Variants in EIF2AK2 observed in about 807,000 individuals in gnomAD.
The protein encoded by EIF2AK2 is eukaryotic translation initiation factor 2 alpha kinase 2, also known as interferon-induced, double-stranded RNA-activated protein kinase.
EIF2AK2 carries 40 observed loss-of-function variants against 70.5 expected under a neutral mutation model. The ratio of observed to expected loss-of-function variants is 0.57; its 90% CI spans 0.44 to 0.74. The LOEUF is 0.74. Ranked by LOEUF, EIF2AK2 falls within the 30% of genes least tolerant of loss-of-function variation. EIF2AK2 has a pLI of 0.00. For synonymous variants in EIF2AK2, 198 were observed against 220.9 expected, an observed-to-expected ratio of 0.90 and a Z score of 0.92; for missense variants, 555 against 644.3, an observed-to-expected ratio of 0.86 and a Z score of 1.50.
chr2:37,128,968 T>G (rs1271367431), intron 10 of EIF2AK2, among the ~76,000 whole-genome samples: 2 of 152,192 alleles, frequency 1.3e-5, no homozygotes, highest in African/African-American at 4.8e-5. Context: ...CACACCTCAC[T>G]GAAGCTATGC....
rs145632487 is a variant in EIF2AK2 at position 37,118,809 on chromosome 2, C to G, written c.1248+1150G>C. The stretch of plus-strand genomic sequence containing the variant: ...AAGGGCTACTCATTCCTCTCTGAGC[C>G]CAATAAACAACTGTGTATATGGGAA... On this transcript the variant is annotated intron_variant, in intron 13 of 16. Transcript: ENST00000233057. 2.8e-3 allele frequency among the ~76,000 whole-genome samples: 426 copies of G among 152,266 alleles called. 2 individuals are homozygous for G. The highest frequency in any genetic ancestry group is 8.7e-3 in the African/African-American group (362 of 41,548).
Position 37,100,295 on chromosome 2 carries a change from TG to T in EIF2AK2, c.*6977del, listed in dbSNP as rs946224445. Reference sequence around the variant, plus strand: ...GGAAGCCTCCAGAGGAGCATGGCCTTGCCCAGTGAACTGCAGCCCAGTGAAT... The same window carrying T: ...GGAAGCCTCCAGAGGAGCATGGCCTTCCCAGTGAACTGCAGCCCAGTGAAT... On this transcript the variant is annotated 3_prime_UTR_variant, in exon 17 of 17. Transcript: ENST00000233057. 6.6e-6 allele frequency: 1 copy of T among 152,234 alleles called. No individual in the cohort carries two copies. The highest frequency in any genetic ancestry group is 2.4e-5 in the African/African-American group (1 of 41,462). 9.4% of individuals were successfully genotyped at this position (152,234 alleles called of 1,614,324 possible). A position where few individuals can be genotyped will look rare whatever the true frequency, so the allele number is the denominator to read the frequency against.
At chr2:37,143,610 G>A (rs1490797980) in intron 4 of EIF2AK2, among the ~76,000 whole-genome samples, 1 of 152,152 alleles carries the variant, frequency 6.6e-6, no homozygotes, top group Non-Finnish European at 1.5e-5. Flanking sequence ...ATAGCTGGGT[G>A]TGGTGGCTCA....
intron 1 of EIF2AK2, among the ~76,000 whole-genome samples, chr2:37,152,099 A>G (rs922201034): frequency 5.9e-5 from 9 of 152,236 alleles, no homozygotes; most frequent in Admixed American, 5.9e-4. Context: ...AAAAACATGG[A>G]TAAACCTCAA....
At chr2:37,133,355 C>T (rs1675014233) in intron 10 of EIF2AK2, among the ~76,000 whole-genome samples, 1 of 152,192 alleles carries the variant, frequency 6.6e-6, no homozygotes, top group Non-Finnish European at 1.5e-5. Flanking sequence ...CCTCTCATTT[C>T]TCCTCTTCTG....
At chr2:37,137,126 G>C in intron 8 of EIF2AK2, 109 bp from the exon 9 acceptor site, 2 of 807,094 alleles carry the variant, frequency 2.5e-6, no homozygotes, top group Non-Finnish European at 3.8e-6. Context: ...CAATTTCTTA[G>C]TCCATCAATG....
At chr2:37,152,072 A>C (rs1378433293) in intron 1 of EIF2AK2, among the ~76,000 whole-genome samples, 1 of 152,250 alleles carries the variant, frequency 6.6e-6, no homozygotes, top group East Asian at 1.9e-4. Flanking sequence ...ATCTCAAAAA[A>C]CAACAACCAC....
At chr2:37,154,962 TG>T (rs1044328876) in intron 1 of EIF2AK2, among the ~76,000 whole-genome samples, 2 of 151,894 alleles carry the variant, frequency 1.3e-5, no homozygotes, top group African/African-American at 4.8e-5. Flanking sequence ...ACCTTTTCTA[TG>T]GTTCTAACTT....
At chr2:37,115,508 G>C (rs1386710423) in intron 13 of EIF2AK2, among the ~76,000 whole-genome samples, 1 of 152,104 alleles carries the variant, frequency 6.6e-6, no homozygotes. Flanking sequence ...ATGACCTAAA[G>C]ATTAGCTTTA....
At chr2:37,109,145 G>T in intron 15 of EIF2AK2, 49 bp downstream of exon 15, 2 of 1,550,180 alleles carry the variant, frequency 1.3e-6, no homozygotes, top group Non-Finnish European at 1.8e-6. Context: ...CTCTGAAGGT[G>T]GTAGTCAGTA....
rs759463816 is a variant in EIF2AK2 at position 37,122,548 on chromosome 2, T to C, written c.1025A>G (p.Glu342Gly). The change falls in exon 12 of 17, where the codon GAG becomes GGG. Residue 342 changes from glutamate (E) to glycine (G), a missense_variant. Coordinates refer to ENST00000233057, the MANE Select transcript of EIF2AK2 (RefSeq NM_001135651.3). ...GTTCTCAGGATCATAATCACTGCTCTCAAGAGAATCATCACTGGTCTCAGG... is the reference window on the plus strand; with the variant it reads ...GTTCTCAGGATCATAATCACTGCTCCCAAGAGAATCATCACTGGTCTCAGG... ...YDPETSDDSL[E>G]SSDYDPENSK... 8 of 1,614,154 alleles carry C rather than the reference T, an allele frequency of 5.0e-6. No homozygotes were observed. Among genetic ancestry groups the C allele is most frequent in the Middle Eastern group, 1.6e-4 (1 of 6,062 alleles).
In EIF2AK2 at chr2:37,104,581, A is replaced by T. The variant is rs1214421421; in HGVS notation, c.*2692T>A. On this transcript the variant is annotated 3_prime_UTR_variant, in exon 17 of 17. Transcript: ENST00000233057. ...GCCATCCTCCCCTTTTGACCTCCCA[A>T]AAATGCTGGGATAACAGGCATTAGC... The T allele has an allele frequency of 6.6e-6, 1 of 152,180 alleles. No homozygotes were observed. Among genetic ancestry groups the T allele is most frequent in the Non-Finnish European group, 1.5e-5 (1 of 68,036 alleles). 9.4% of individuals were successfully genotyped at this position (152,180 alleles called of 1,614,324 possible).
rs1673776922 is a variant in EIF2AK2, at chr2:37,099,621, A to G, written c.*7652T>C. 1 of 152,226 alleles carries G rather than the reference A, an allele frequency of 6.6e-6. No homozygotes were observed. The highest frequency in any genetic ancestry group is 1.5e-5 in the Non-Finnish European group (1 of 68,042). 9.4% of individuals were successfully genotyped at this position (152,226 alleles called of 1,614,324 possible). A position where few individuals can be genotyped will look rare whatever the true frequency, so the allele number is the denominator to read the frequency against. ...AATTTTGATATGCAAAGTTATGAGG[A>G]AAGAGTTACTGTATAATCCAGCCAT... is the stretch of plus-strand genomic sequence containing the variant. On this transcript the variant is annotated 3_prime_UTR_variant, in exon 17 of 17. Transcript: ENST00000233057.
At chr2:37,128,382 T>A (rs970545012) in intron 10 of EIF2AK2, among the ~76,000 whole-genome samples, 1 of 152,230 alleles carries the variant, frequency 6.6e-6, no homozygotes, top group Non-Finnish European at 1.5e-5. Flanking sequence ...AGAAGTATTT[T>A]TTTTAATCAC....
At position 37,103,159 on chromosome 2, in the gene EIF2AK2, A is replaced by G. The variant is rs1673867235; in HGVS notation, c.*4114T>C. The G allele has an allele frequency of 6.6e-6, 1 of 151,330 alleles. No individual in the cohort carries two copies. Among genetic ancestry groups the G allele is most frequent in the Non-Finnish European group, 1.5e-5 (1 of 67,780 alleles). The allele number at this position is 151,330 out of a possible 1,614,324, so 9.4% of individuals were successfully genotyped here. A position where few individuals can be genotyped will look rare whatever the true frequency, so the allele number is the denominator to read the frequency against. On this transcript the variant is annotated 3_prime_UTR_variant, in exon 17 of 17. Coordinates refer to ENST00000233057, the MANE Select transcript of EIF2AK2 (RefSeq NM_001135651.3). ...AAAAGAAGTTGCTAAGAAATGCTATATTCATTTAATAAGAGTAGGAATATA... is the reference window on the plus strand; with the variant it reads ...AAAAGAAGTTGCTAAGAAATGCTATGTTCATTTAATAAGAGTAGGAATATA...
In EIF2AK2 at chr2:37,100,035, A is replaced by G. The variant is rs1295881580; in HGVS notation, c.*7238T>C. 1 of 152,218 alleles carries G rather than the reference A, an allele frequency of 6.6e-6. No individual in the cohort carries two copies. The highest frequency in any genetic ancestry group is 2.4e-5 in the African/African-American group (1 of 41,442). The allele number at this position is 152,218 out of a possible 1,614,324, so 9.4% of individuals were successfully genotyped here. Reference sequence around the variant, plus strand: ...TAGGGTTTCTTTTGGGGGTGAGAAAAATGATAGTTGCACAACTCTGAATAT... The same window carrying G: ...TAGGGTTTCTTTTGGGGGTGAGAAAGATGATAGTTGCACAACTCTGAATAT... On this transcript the variant is annotated 3_prime_UTR_variant, in exon 17 of 17. Transcript: ENST00000233057.
chr2:37,148,708 A>G, intron 2 of EIF2AK2, 149 bp downstream of exon 2: 1 of 825,656 alleles, frequency 1.2e-6, no homozygotes, highest in South Asian at 1.3e-5. Flanking sequence ...TTCATCACAT[A>G]AAAATTTATA....
At chr2:37,149,095 A>C (rs1675655484) in intron 1 of EIF2AK2, 72 bp from the exon 2 acceptor site, 2 of 899,658 alleles carry the variant, frequency 2.2e-6, no homozygotes, top group Non-Finnish European at 3.8e-6. Flanking sequence ...ATACCAGCGA[A>C]GACTAAGGTC....
intron 11 of EIF2AK2, among the ~76,000 whole-genome samples, chr2:37,125,739 A>G (rs986902402): frequency 3.9e-5 from 6 of 152,232 alleles, no homozygotes; most frequent in Non-Finnish European, 8.8e-5. Context: ...TGTCCAGATG[A>G]GCACAATCAA....
Sources: gnomAD v4.1 joint callset for allele counts (sites outside exome capture counted in the v4.1 genomes callset) on GRCh38, gnomAD v4.1.1 for gene constraint, MANE v1.5 for transcripts, NCBI Gene and HGNC (gene_info 2026-07-23, HGNC 2026-07-21) for gene names.